Variants in ZFHX4 observed in about 807,000 individuals in gnomAD.
The protein encoded by ZFHX4 is zinc finger homeobox 4, also known as zinc finger homeobox protein 4.
Under a neutral mutation model 267.6 loss-of-function variants are expected in ZFHX4, and 56 were observed. That is an observed-to-expected ratio of 0.21 (90% confidence interval 0.17 to 0.26). The LOEUF (loss-of-function observed/expected upper bound fraction) is 0.26. ZFHX4 is among the 10% of genes least tolerant of loss of function. The pLI is 1.00. For synonymous variants in ZFHX4, 1,778 were observed against 1,665.6 expected (o/e 1.07, Z -1.64); for missense variants, 4,332 against 4,420.0 (o/e 0.98, Z 0.56).
intron 1 of ZFHX4, among the ~76,000 whole-genome samples, chr8:76,697,933 C>T (rs967975489): frequency 1.3e-5 from 2 of 151,828 alleles, no homozygotes; most frequent in African/African-American, 4.8e-5. Flanking sequence ...TACCTTTTTC[C>T]TCAATAAAGA....
intron 4 of ZFHX4, among the ~76,000 whole-genome samples, chr8:76,798,757 A>C (rs1040298012): frequency 6.6e-6 from 1 of 152,200 alleles, no homozygotes; most frequent in African/African-American, 2.4e-5. Flanking sequence ...GCGGAGGTAT[A>C]ATTTGACTAC....
rs745641241 is a variant in ZFHX4, at chr8:76,864,155, A to G, written c.10441A>G (p.Arg3481Gly). Reference protein sequence around the residue: ...HKEKTIKQAMRNAKEHVRLLP... With the variant: ...HKEKTIKQAMGNAKEHVRLLP... Reference sequence around the variant, plus strand: ...AGAGAAAACAATCAAACAAGCAATGAGAAATGCCAAAGAGCATGTTAGATT... The same window carrying G: ...AGAGAAAACAATCAAACAAGCAATGGGAAATGCCAAAGAGCATGTTAGATT... Residue 3481 changes from arginine to glycine, a missense_variant, in exon 11 of 11, where the codon AGA becomes GGA. Around this residue, in one of 7 missense-constraint regions of ZFHX4, gnomAD observed 1,648 missense variants for 1,625.0 expected, o/e 1.01. Coordinates refer to ENST00000651372, the MANE Select transcript of ZFHX4 (RefSeq NM_024721.5). 5.0e-6 allele frequency: 8 copies of G among 1,613,980 alleles called. No homozygotes were observed. The Admixed American group carries it at 8.3e-5, about 17-fold the overall frequency.
intron 3 of ZFHX4, among the ~76,000 whole-genome samples, chr8:76,748,997 C>G (rs1809544069): frequency 6.6e-6 from 1 of 152,112 alleles, no homozygotes; most frequent in African/African-American, 2.4e-5. Flanking sequence ...TTAAAGTTGG[C>G]AAATTGCTAT....
At chr8:76,860,042 A>G (rs1348806111) in intron 10 of ZFHX4, among the ~76,000 whole-genome samples, 2 of 152,118 alleles carry the variant, frequency 1.3e-5, no homozygotes, top group African/African-American at 4.8e-5. Context: ...ATTTAACAGT[A>G]TAACTAGATA....
chr8:76,702,578 A>G (rs1435638209), intron 1 of ZFHX4, among the ~76,000 whole-genome samples: 1 of 152,168 alleles, frequency 6.6e-6, no homozygotes, highest in East Asian at 1.9e-4. Context: ...AAGACTGTGT[A>G]ATAAGGTATA....
intron 4 of ZFHX4, among the ~76,000 whole-genome samples, chr8:76,801,044 T>C (rs1811105097): frequency 6.6e-6 from 1 of 152,164 alleles, no homozygotes; most frequent in South Asian, 2.1e-4. Context: ...ACAGACCTCA[T>C]TTGAAAGCAG....
chr8:76,863,908 C>T lies in ZFHX4; in HGVS notation c.10194C>T (p.Phe3398=), dbSNP rs755059553. Residue 3398 remains phenylalanine (F), a synonymous_variant, in exon 11 of 11, where the codon TTC becomes TTT. Transcript: ENST00000651372. ...TTTCAGACACTTACGTTGTTCCATT[C>T]GTCAAGTATGAGTTTATATGCAGAA... ...ADFSDTYVVP[F]VKYEFICRKC... is the part of the protein sequence containing the mutation. 14 of 1,583,362 alleles carry T rather than the reference C, an allele frequency of 8.8e-6. No homozygotes were observed. Among genetic ancestry groups the T allele is most frequent in the African/African-American group, 2.7e-5 (2 of 74,394 alleles).
At chr8:76,794,570 A>G (rs1170295544) in intron 4 of ZFHX4, among the ~76,000 whole-genome samples, 1 of 152,148 alleles carries the variant, frequency 6.6e-6, no homozygotes, top group East Asian at 1.9e-4. Flanking sequence ...ATGCGCTGCC[A>G]CTTCTCTATA....
chr8:76,854,601 C>T lies in ZFHX4; in HGVS notation c.7680C>T (p.Pro2560=), dbSNP rs771551790. 3 of 1,613,724 alleles carry T rather than the reference C, an allele frequency of 1.9e-6. No homozygotes were observed. The highest frequency in any genetic ancestry group is 1.7e-5 in the Admixed American group (1 of 60,004). The part of the protein sequence containing the change: ...QLLGSSLTQM[P]PQASSSHTTA... ...TGGGCAGTTCCCTCACTCAAATGCC[C>T]CCTCAGGCCAGTTCCTCCCACACCA... Residue 2560 remains proline, a synonymous_variant, in exon 10 of 11, where the codon CCC becomes CCT. Transcript: ENST00000651372.
chr8:76,724,652 A>C (rs1270674352), intron 3 of ZFHX4, among the ~76,000 whole-genome samples: 1 of 152,112 alleles, frequency 6.6e-6, no homozygotes, highest in East Asian at 1.9e-4. Context: ...TAAAATACTC[A>C]AAGCTTCTGG....
chr8:76,746,320 G>T (rs2131695995), intron 3 of ZFHX4, among the ~76,000 whole-genome samples: 1 of 152,252 alleles, frequency 6.6e-6, no homozygotes, highest in Non-Finnish European at 1.5e-5. Context: ...TGGGAGGATG[G>T]CCTGAGCCCA....
Position 76,863,644 on chromosome 8 carries a change from G to T in ZFHX4, c.9930G>T (p.Leu3310=), listed in dbSNP as rs374859191. The T allele has an allele frequency of 6.2e-6, 10 of 1,611,838 alleles. No individual in the cohort carries two copies. Among genetic ancestry groups the T allele is most frequent in the Non-Finnish European group, 8.5e-6 (10 of 1,179,014 alleles). Residue 3310 remains leucine (L), a synonymous_variant, in exon 11 of 11, where the codon CTG becomes CTT. Coordinates refer to ENST00000651372, the MANE Select transcript of ZFHX4 (RefSeq NM_024721.5). ...GPTMPQTLAG[L]SPGALLQQYQ... is the part of the protein sequence containing the mutation. ...CAATGCCCCAGACACTGGCAGGTCT[G>T]TCCCCAGGTGCACTGTTGCAGCAGT...
chr8:76,753,595 T>C (rs1368876903), intron 3 of ZFHX4, among the ~76,000 whole-genome samples: 3 of 151,680 alleles, frequency 2.0e-5, no homozygotes, highest in African/African-American at 7.3e-5. Context: ...TTTTCAATTG[T>C]TTGTCTGTCA....
rs753867223 is a variant in ZFHX4 at position 76,851,124 on chromosome 8, T to C, written c.4203T>C (p.His1401=). Residue 1401 remains histidine, a synonymous_variant, in exon 10 of 11, where the codon CAT becomes CAC. Transcript: ENST00000651372. ...DRHVYKYRCN[H]CSLAFKTMQK... ...ATGTCTACAAGTATCGCTGTAACCATTGTAGCTTGGCTTTCAAAACTATGC... is the reference window on the plus strand; with the variant it reads ...ATGTCTACAAGTATCGCTGTAACCACTGTAGCTTGGCTTTCAAAACTATGC... 7 of 1,613,862 alleles carry C rather than the reference T, an allele frequency of 4.3e-6. No homozygotes were observed. Among genetic ancestry groups the C allele is most frequent in the South Asian group, 1.1e-5 (1 of 91,092 alleles).
In ZFHX4 at chr8:76,853,545, T is replaced by C. The variant is rs971141593; in HGVS notation, c.6624T>C (p.Ile2208=). 31 of 1,613,926 alleles carry C rather than the reference T, an allele frequency of 1.9e-5. No individual in the cohort carries two copies. Among genetic ancestry groups the C allele is most frequent in the Non-Finnish European group, 2.6e-5 (31 of 1,179,874 alleles). ...PPITVLEDIR[I]DPQPTSLEHY... ...TAACGGTTTTAGAAGATATCAGAATTGATCCACAGCCCACCTCTTTAGAAC... is the reference window on the plus strand; with the variant it reads ...TAACGGTTTTAGAAGATATCAGAATCGATCCACAGCCCACCTCTTTAGAAC... Residue 2208 remains isoleucine, a synonymous_variant, in exon 10 of 11, where the codon ATT becomes ATC. Transcript: ENST00000651372.
chr8:76,854,831 A>T lies in ZFHX4; in HGVS notation c.7910A>T (p.His2637Leu), dbSNP rs760041180. ...DSNPTRKMLD[H>L]IAREVGLKKR... The stretch of plus-strand genomic sequence containing the variant: ...AATCCTACCAGAAAAATGCTTGATC[A>T]TATTGCCCGCGAAGTCGGGCTGAAA... The change falls in exon 10 of 11, where the codon CAT becomes CTT. Residue 2637 changes from histidine to leucine, a missense_variant. His to Leu is a moderately conservative substitution (Grantham distance 99, BLOSUM62 -3). Transcript: ENST00000651372. 6.2e-7 allele frequency: 1 copy of T among 1,611,064 alleles called. No homozygotes were observed. Among genetic ancestry groups the T allele is most frequent in the Non-Finnish European group, 8.5e-7 (1 of 1,178,966 alleles).
rs1260222919 is a variant in ZFHX4, at chr8:76,854,947, C to T, written c.8026C>T (p.Arg2676Trp). ...GGTGGGTCCAGCACAGTCTCATAAA[C>T]GGTGTCCGTTTTGCCGAGCCCTGTT... ...RAVGPAQSHK[R>W]CPFCRALFKA... is the part of the protein sequence containing the mutation. The change falls in exon 10 of 11, where the codon CGG becomes TGG. Residue 2676 changes from arginine to tryptophan, a missense_variant. Arg to Trp is a moderately radical substitution (Grantham distance 101). Around this residue, in one of 7 missense-constraint regions of ZFHX4, gnomAD observed 1,648 missense variants for 1,625.0 expected, o/e 1.01. Coordinates refer to ENST00000651372, the MANE Select transcript of ZFHX4 (RefSeq NM_024721.5). The T allele has an allele frequency of 3.6e-5, 58 of 1,613,820 alleles. No homozygotes were observed. The highest frequency in any genetic ancestry group is 4.7e-5 in the Non-Finnish European group (56 of 1,179,892).
At chr8:76,834,794 G>A (rs1812027365) in intron 5 of ZFHX4, among the ~76,000 whole-genome samples, 1 of 151,842 alleles carries the variant, frequency 6.6e-6, no homozygotes, top group Admixed American at 6.6e-5. Context: ...TATGCCTTTA[G>A]TGTGGTATCT....
intron 3 of ZFHX4, among the ~76,000 whole-genome samples, chr8:76,748,229 A>AGTC (rs1809514778): frequency 6.6e-6 from 1 of 152,100 alleles, no homozygotes; most frequent in South Asian, 2.1e-4. Context: ...CATATCTGTA[A>AGTC]GTCTCACTGA....
Sources: allele counts gnomAD v4.1 joint callset (sites outside exome capture counted in the v4.1 genomes callset), GRCh38; gene constraint gnomAD v4.1.1; regional missense constraint gnomAD v4.1.1; transcripts MANE v1.5; gene names NCBI Gene and HGNC (gene_info 2026-07-23, HGNC 2026-07-21).